The following IL1RAPL1 variants were observed in gnomAD, a reference collection of about 807,000 sequenced individuals.
IL1RAPL1 encodes the protein interleukin-1 receptor accessory protein-like 1.
A neutral mutation model predicts 48.4 loss-of-function variants in IL1RAPL1; 3 were observed. That is an observed-to-expected ratio of 0.06 (90% CI 0.03 to 0.16). The LOEUF (loss-of-function observed/expected upper bound fraction) is 0.16. IL1RAPL1 is among the 10% of genes least tolerant of loss of function. IL1RAPL1 has a pLI of 1.00. For synonymous variants in IL1RAPL1, 185 were observed against 187.7 expected, an observed-to-expected ratio of 0.99 and a Z score of 0.12; for missense variants, 349 against 530.6, an observed-to-expected ratio of 0.66 and a Z score of 3.36.
chrX:29,877,430 G>T (rs979358217), intron 6 of IL1RAPL1, among the ~76,000 whole-genome samples: 1 of 111,546 alleles, frequency 9.0e-6, no homozygotes, highest in Non-Finnish European at 1.9e-5. Context: ...AATTAGCATC[G>T]ATATGAACAA....
chrX:29,252,121 A>G (rs1931635967), intron 2 of IL1RAPL1, among the ~76,000 whole-genome samples: 1 of 104,706 alleles, frequency 9.6e-6, no homozygotes, highest in African/African-American at 3.5e-5. Context: ...GTTGTGGGGT[A>G]AGGGGAGGGG....
chrX:29,618,185 T>C (rs748487324), intron 5 of IL1RAPL1, among the ~76,000 whole-genome samples: 1 of 112,089 alleles, frequency 8.9e-6, no homozygotes, highest in South Asian at 3.7e-4. Context: ...CTGAAAGTAT[T>C]CTCTTAGGAT....
chrX:29,764,066 C>G (rs146822095), intron 6 of IL1RAPL1, among the ~76,000 whole-genome samples: 9,147 of 110,666 alleles, frequency 0.083, 331 homozygotes, highest in Middle Eastern at 0.26. Flanking sequence ...ACAAAAAAGC[C>G]CTTAAAGCGT....
intron 8 of IL1RAPL1, among the ~76,000 whole-genome samples, chrX:29,937,716 GAC>G (rs1388685160): frequency 9.0e-6 from 1 of 111,584 alleles, no homozygotes; most frequent in Non-Finnish European, 1.9e-5. Flanking sequence ...CATGGGGAAA[GAC>G]ACATTTCCAT....
At chrX:29,500,412 A>T (rs1018872462) in intron 5 of IL1RAPL1, among the ~76,000 whole-genome samples, 4 of 111,562 alleles carry the variant, frequency 3.6e-5, no homozygotes, top group African/African-American at 1.3e-4. Context: ...TACTCAACTT[A>T]TCTTTATCCC....
At chrX:28,846,374 G>A (rs1386230483) in intron 2 of IL1RAPL1, among the ~76,000 whole-genome samples, 1 of 111,958 alleles carries the variant, frequency 8.9e-6, no homozygotes, top group Non-Finnish European at 1.9e-5. Context: ...ATGAATAAAG[G>A]TGCTATAAAT....
At chrX:29,888,070 G>A (rs1201715619) in intron 6 of IL1RAPL1, among the ~76,000 whole-genome samples, 1 of 111,072 alleles carries the variant, frequency 9.0e-6, no homozygotes, top group Non-Finnish European at 1.9e-5. Flanking sequence ...TCTTGTATTT[G>A]TCAATAAGAT....
intron 2 of IL1RAPL1, among the ~76,000 whole-genome samples, chrX:29,267,012 A>AT (rs1185477563): frequency 8.9e-6 from 1 of 111,763 alleles, no homozygotes; most frequent in Non-Finnish European, 1.9e-5. Context: ...TGGTCTGGCC[A>AT]TGGGGATGCA....
intron 6 of IL1RAPL1, among the ~76,000 whole-genome samples, chrX:29,709,528 G>A (rs1274628680): frequency 9.0e-6 from 1 of 110,599 alleles, no homozygotes; most frequent in Non-Finnish European, 1.9e-5. Flanking sequence ...GTTTTGTTTT[G>A]TTTTGTTTTG....
chrX:29,460,923 T>G (rs1249178297), intron 5 of IL1RAPL1, among the ~76,000 whole-genome samples: 3 of 111,351 alleles, frequency 2.7e-5, no homozygotes, highest in Non-Finnish European at 5.7e-5. Flanking sequence ...AGATAATAAA[T>G]ATTCATGTTA....
At chrX:29,844,469 G>A (rs986333280) in intron 6 of IL1RAPL1, among the ~76,000 whole-genome samples, 3 of 111,028 alleles carry the variant, frequency 2.7e-5, no homozygotes, top group African/African-American at 9.8e-5. Context: ...CTTAACCCCC[G>A]GTACCTGTAA....
chrX:29,511,940 G>A (rs953440942), intron 5 of IL1RAPL1, among the ~76,000 whole-genome samples: 2 of 110,786 alleles, frequency 1.8e-5, no homozygotes, highest in Admixed American at 1.9e-4. Flanking sequence ...ATAAAAATTG[G>A]TGGGATGAGA....
chrX:29,812,505 A>AT (rs1176030831), intron 6 of IL1RAPL1, among the ~76,000 whole-genome samples: 11 of 111,369 alleles, frequency 9.9e-5, no homozygotes, highest in African/African-American at 3.6e-4. Context: ...TGAGAGTCTT[A>AT]TGGTGAATGT....
intron 1 of IL1RAPL1, among the ~76,000 whole-genome samples, chrX:28,779,642 A>G (rs12559022): frequency 0.079 from 2,604 of 32,892 alleles, 75 homozygotes; most frequent in East Asian, 0.19. Flanking sequence ...GTGTATATAT[A>G]TATATATATA....
At position 29,835,326 on chromosome X, in the gene IL1RAPL1, T is replaced by C. The variant is rs1461766000; in HGVS notation, c.779-82138T>C. ...TACAATGTAGCATGGTTAAATCTTGTTGAACCATTCTTACATCCCTGGGAT... is the reference window on the plus strand; with the variant it reads ...TACAATGTAGCATGGTTAAATCTTGCTGAACCATTCTTACATCCCTGGGAT... On this transcript the variant is annotated intron_variant, in intron 6 of 10. Coordinates refer to ENST00000378993, the MANE Select transcript of IL1RAPL1 (RefSeq NM_014271.4). 2.7e-5 allele frequency among the ~76,000 whole-genome samples: 3 copies of C among 112,279 alleles called. No individual in the cohort carries two copies. In the Admixed American group the frequency reaches 2.8e-4, roughly 11 times the overall value.
chrX:28,871,306 C>T (rs908311870), intron 2 of IL1RAPL1, among the ~76,000 whole-genome samples: 1 of 111,986 alleles, frequency 8.9e-6, no homozygotes, highest in African/African-American at 3.2e-5. Context: ...CATAGACCTG[C>T]TAACCTCATT....
chrX:29,230,529 A>AAC (rs1931182658), intron 2 of IL1RAPL1, among the ~76,000 whole-genome samples: 6 of 98,652 alleles, frequency 6.1e-5, no homozygotes, highest in African/African-American at 2.3e-4. Context: ...AAAAAAAAAA[A>AAC]AAAAAACCTT....
At chrX:29,777,414 T>C (rs1221139346) in intron 6 of IL1RAPL1, among the ~76,000 whole-genome samples, 1 of 112,222 alleles carries the variant, frequency 8.9e-6, no homozygotes, top group East Asian at 2.8e-4. Flanking sequence ...TCTATGTTGA[T>C]GTGAGACTGG....
At chrX:29,314,686 T>C (rs989181181) in intron 3 of IL1RAPL1, among the ~76,000 whole-genome samples, 1 of 112,481 alleles carries the variant, frequency 8.9e-6, no homozygotes, top group African/African-American at 3.2e-5. Flanking sequence ...CCTTTTTCTT[T>C]TGGTTGTTTT....
Sources: gnomAD v4.1 joint callset for allele counts (sites outside exome capture counted in the v4.1 genomes callset) on GRCh38, gnomAD v4.1.1 for gene constraint, MANE v1.5 for transcripts, NCBI Gene and HGNC (gene_info 2026-07-23, HGNC 2026-07-21) for gene names.